The following CDH1 variants were observed in gnomAD, a reference collection of about 807,000 sequenced individuals.
CDH1 encodes cadherin 1, also known as cadherin-1.
Under a neutral mutation model 84.5 loss-of-function variants are expected in CDH1, and 35 were observed. That is an observed-to-expected ratio of 0.41 (90% CI 0.32 to 0.55). CDH1 has a LOEUF of 0.55. CDH1 is among the 20% of genes least tolerant of loss of function. The pLI is 0.19. For missense variants in CDH1, 994 were observed against 1,126.6 expected (o/e 0.88, Z 1.68); for synonymous variants, 417 against 439.0 (o/e 0.95, Z 0.63).
At chr16:68,758,411 T>C (rs921073207) in intron 2 of CDH1, among the ~76,000 whole-genome samples, 4 of 151,588 alleles carry the variant, frequency 2.6e-5, no homozygotes, top group African/African-American at 7.3e-5. Context: ...GCCTGGTACG[T>C]AGCAACCACT....
chr16:68,745,168 C>T (rs947017655), intron 2 of CDH1, among the ~76,000 whole-genome samples: 4 of 151,454 alleles, frequency 2.6e-5, no homozygotes, highest in African/African-American at 9.7e-5. Context: ...AACTTGTCAG[C>T]TTCTGCTTGG....
chr16:68,781,396 A>G (rs1959873777), intron 2 of CDH1, among the ~76,000 whole-genome samples: 3 of 151,944 alleles, frequency 2.0e-5, no homozygotes, highest in African/African-American at 7.3e-5. Flanking sequence ...CTGGTGTGCA[A>G]TGGTGTGATC....
At chr16:68,816,713 C>T (rs778287344) in intron 10 of CDH1, among the ~76,000 whole-genome samples, 49 of 152,216 alleles carry the variant, frequency 3.2e-4, no homozygotes, top group African/African-American at 9.4e-4. Context: ...CGAGTCACTG[C>T]ACTCCAGCCT....
At chr16:68,829,620 C>T (rs1567515971) in intron 14 of CDH1, 34 bp from the exon 15 acceptor site, 1 of 1,610,502 alleles carries the variant, frequency 6.2e-7, no homozygotes, top group Non-Finnish European at 8.5e-7. Context: ...TTCTTTCCTA[C>T]TCTTCATTGT....
chr16:68,812,378 T>A (rs753988932), intron 8 of CDH1, 115 bp downstream of exon 8: 8 of 1,167,638 alleles, frequency 6.9e-6, no homozygotes, highest in Non-Finnish European at 1.0e-5. Flanking sequence ...GACTAGAGAA[T>A]GTTAACTTTA....
chr16:68,831,342 G>C (rs1323799179), intron 15 of CDH1, among the ~76,000 whole-genome samples: 1 of 150,266 alleles, frequency 6.7e-6, no homozygotes, highest in African/African-American at 2.5e-5. Context: ...TGCCTGCCTT[G>C]GCCTCCCAAA....
In CDH1 at chr16:68,807,889, T is replaced by C. The variant is rs368891958; in HGVS notation, c.388-535T>C. 1.1e-4 allele frequency among the ~76,000 whole-genome samples: 17 copies of C among 152,092 alleles called. No individual in the cohort carries two copies. In the East Asian group the frequency reaches 1.9e-3, roughly 17 times the overall value. ...AAGTTCGAGACCAGCCTGGGTAACA[T>C]GGCAAAGCCCTACGTCTACTAAAAA... On this transcript the variant is annotated intron_variant, in intron 3 of 15. Coordinates refer to ENST00000261769, the MANE Select transcript of CDH1 (RefSeq NM_004360.5).
intron 3 of CDH1, among the ~76,000 whole-genome samples, chr16:68,805,219 C>G (rs1298111028): frequency 6.6e-6 from 1 of 151,506 alleles, no homozygotes; most frequent in Non-Finnish European, 1.5e-5. Flanking sequence ...GGGGTTTTAC[C>G]ATGTTGGCCA....
chr16:68,821,712 A>G (rs1049301423), intron 11 of CDH1, among the ~76,000 whole-genome samples: 1 of 152,226 alleles, frequency 6.6e-6, no homozygotes, highest in Non-Finnish European at 1.5e-5. Context: ...AAATTCAGTG[A>G]ATGAATAACG....
At chr16:68,814,694 C>T (rs1960937071) in intron 9 of CDH1, 1 of 152,210 alleles carries the variant, frequency 6.6e-6, no homozygotes, top group Non-Finnish European at 1.5e-5. Context: ...ATTTACTGGT[C>T]TCTGCTCTTG....
In CDH1 at chr16:68,823,601, T is replaced by C; in HGVS notation, c.2139T>C (p.Ile713=). The part of the protein sequence containing the change: ...AGLQIPAILG[I]LGGILALLIL... The stretch of plus-strand genomic sequence containing the variant: ...TGCAAATTCCTGCCATTCTGGGGAT[T>C]CTTGGAGGAATTCTTGCTTTGCTAA... Residue 713 remains isoleucine, a synonymous_variant, in exon 13 of 16, where the codon ATT becomes ATC. Transcript: ENST00000261769. 6.2e-7 allele frequency: 1 copy of C among 1,613,028 alleles called. No individual in the cohort carries two copies. Among genetic ancestry groups the C allele is most frequent in the Non-Finnish European group, 8.5e-7 (1 of 1,179,854 alleles).
intron 2 of CDH1, among the ~76,000 whole-genome samples, chr16:68,784,440 G>A (rs1016359891): frequency 2.0e-5 from 3 of 151,914 alleles, no homozygotes; most frequent in East Asian, 1.9e-4. Context: ...AGCATCCGCC[G>A]GCAGCACCCC....
At chr16:68,821,595 A>T (rs1257398917) in intron 11 of CDH1, among the ~76,000 whole-genome samples, 2 of 152,188 alleles carry the variant, frequency 1.3e-5, no homozygotes, top group East Asian at 3.8e-4. Flanking sequence ...AATTAAAATA[A>T]ATAAAAAGAC....
rs10638856 is a variant in CDH1 at position 68,747,750 on chromosome 16, T to TTCTCTC, written c.163+9350_163+9355dup. 6.3e-3 allele frequency among the ~76,000 whole-genome samples: 952 copies of TTCTCTC among 150,942 alleles called. 3 individuals carry two copies. Among genetic ancestry groups the TTCTCTC allele is most frequent in the South Asian group, 0.021 (100 of 4,780 alleles). On this transcript the variant is annotated intron_variant, in intron 2 of 15. Coordinates refer to ENST00000261769, the MANE Select transcript of CDH1 (RefSeq NM_004360.5). Reference sequence around the variant, plus strand: ...TTTCTCCCAGCAACGTATCTGTATGTTCTCTCTCTCTCTCTCCACACATAT... The same window carrying TTCTCTC: ...TTTCTCCCAGCAACGTATCTGTATGTTCTCTCTCTCTCTCTCTCTCTCCACACATAT...
chr16:68,815,385 T>C, intron 9 of CDH1, 130 bp from the exon 10 acceptor site: 3 of 1,207,706 alleles, frequency 2.5e-6, no homozygotes, highest in Non-Finnish European at 3.5e-6. Flanking sequence ...TTGAAAGTCA[T>C]GGCAGAAACC....
Position 68,802,242 on chromosome 16 carries a change from C to T in CDH1, c.387+349C>T, listed in dbSNP as rs532636425. On this transcript the variant is annotated intron_variant, in intron 3 of 15. Transcript: ENST00000261769. The stretch of plus-strand genomic sequence containing the variant: ...AGAAGAGTGGTAAAGGCCTGAACAC[C>T]GTCTGGGACTGAATCTCAGCCGTGC... 1.2e-4 allele frequency among the ~76,000 whole-genome samples: 18 copies of T among 152,232 alleles called. No individual in the cohort carries two copies. The South Asian group carries it at 1.2e-3, about 11-fold the overall frequency.
In CDH1 at chr16:68,822,091, T is replaced by C; in HGVS notation, c.1802T>C (p.Phe601Ser). 6.2e-7 allele frequency: 1 copy of C among 1,614,160 alleles called. No homozygotes were observed. The highest frequency in any genetic ancestry group is 8.5e-7 in the Non-Finnish European group (1 of 1,180,018). Residue 601 changes from phenylalanine to serine, a missense_variant, in exon 12 of 16, where the codon TTC becomes TCC. Phe to Ser is a radical substitution (Grantham distance 155). Transcript: ENST00000261769. ...CCCATACCAGAACCTCGAACTATAT[T>C]CTTCTGTGAGAGGAATCCAAAGCCT... ...NAPIPEPRTI[F>S]FCERNPKPQV...
At chr16:68,758,060 C>T (rs1340756481) in intron 2 of CDH1, among the ~76,000 whole-genome samples, 4 of 150,360 alleles carry the variant, frequency 2.7e-5, no homozygotes, top group East Asian at 1.9e-4. Flanking sequence ...GCCATCTGCC[C>T]GCCTCAGCCT....
intron 3 of CDH1, among the ~76,000 whole-genome samples, chr16:68,805,295 T>C (rs1328542848): frequency 2.0e-5 from 3 of 151,864 alleles, no homozygotes; most frequent in East Asian, 1.9e-4. Context: ...GCTGGGATTA[T>C]AGGCGTGAGC....
Sources: gnomAD v4.1 joint callset for allele counts (sites outside exome capture counted in the v4.1 genomes callset) on GRCh38, gnomAD v4.1.1 for gene constraint, MANE v1.5 for transcripts, NCBI Gene and HGNC (gene_info 2026-07-23, HGNC 2026-07-21) for gene names.